Variants in ERBB2 observed in about 807,000 individuals in gnomAD.
ERBB2 encodes the protein receptor tyrosine-protein kinase erbB-2.
In ERBB2, 61 loss-of-function variants were observed where a neutral mutation model predicts 149.0. The ratio of observed to expected loss-of-function variants is 0.41; its 90% CI spans 0.33 to 0.51. The LOEUF (loss-of-function observed/expected upper bound fraction) is 0.51. Among genes scored for constraint, ERBB2 ranks in the 20% least tolerant of loss-of-function variants. ERBB2 has a pLI of 0.25. For missense variants in ERBB2, 1,205 were observed against 1,655.1 expected (o/e 0.73, Z 4.72); for synonymous variants, 633 against 678.8 (o/e 0.93, Z 1.05).
chr17:39,700,308 C>G lies in ERBB2; in HGVS notation c.70C>G (p.Gln24Glu), dbSNP rs2058012509. The G allele has an allele frequency of 2.1e-6, 3 of 1,417,316 alleles. No individual in the cohort carries two copies. In the South Asian group the frequency reaches 4.5e-5, roughly 21 times the overall value. The allele number at this position is 1,417,316 out of a possible 1,614,324, so 87.8% of individuals were successfully genotyped here. Residue 24 changes from glutamine to glutamate, a missense_variant, in exon 1 of 27, where the codon CAA (glutamine) becomes GAA (glutamate). By Grantham distance (29) the Gln-to-Glu change is conservative. Transcript: ENST00000269571. ...CTTGCCCCCCGGAGCCGCGAGCACCCAAGGTGGGTCTGGTGTGGGGAGGGG... is the reference window on the plus strand; with the variant it reads ...CTTGCCCCCCGGAGCCGCGAGCACCGAAGGTGGGTCTGGTGTGGGGAGGGG... The part of the protein sequence containing the change: ...ALLPPGAAST[Q>E]VCTGTDMKLR...
Position 39,724,272 on chromosome 17 carries a change from A to AT in ERBB2, c.2307+278dup, listed in dbSNP as rs71149796. ...TAGCTGGGATTACAAGCGCCCGCTAATTTTTTTTTTTTTTTTGAGACAGAG... is the reference window on the plus strand; with the variant it reads ...TAGCTGGGATTACAAGCGCCCGCTAATTTTTTTTTTTTTTTTTGAGACAGAG... On this transcript the variant is annotated intron_variant, in intron 19 of 26. Transcript: ENST00000269571. Among the ~76,000 whole-genome samples the AT allele has an allele frequency of 1.6e-3, 122 of 76,994 alleles. 8 individuals carry two copies. The highest frequency in any genetic ancestry group is 3.4e-3 in the East Asian group (11 of 3,258). 50.5% of individuals were successfully genotyped at this position (76,994 alleles called of 152,430 possible).
intron 15 of ERBB2, 144 bp from the exon 16 acceptor site, chr17:39,719,643 C>G: frequency 1.3e-6 from 1 of 788,084 alleles, no homozygotes. Flanking sequence ...AGAAGGAGCA[C>G]TGACGGCCTT....
rs1567900199 is a variant in ERBB2, at chr17:39,710,189, C to T, written c.747C>T (p.His249=). ...QCAAGCTGPK[H]SDCLACLHFN... is the part of the protein sequence containing the mutation. ...CTGCCGGCTGCACGGGCCCCAAGCA[C>T]TCTGACTGCCTGGTATGTGCCTCTG... Residue 249 remains histidine, a synonymous_variant, in exon 6 of 27, where the codon CAC becomes CAT. Transcript: ENST00000269571. 1.2e-6 allele frequency: 2 copies of T among 1,612,810 alleles called. No homozygotes were observed. The highest frequency in any genetic ancestry group is 1.3e-5 in the African/African-American group (1 of 75,068).
chr17:39,718,400 TG>T (rs2059265430), intron 15 of ERBB2, among the ~76,000 whole-genome samples: 1 of 152,240 alleles, frequency 6.6e-6, no homozygotes, highest in Non-Finnish European at 1.5e-5. Flanking sequence ...ACCACCGCAT[TG>T]ACTTGTGTGT....
chr17:39,702,201 G>A (rs987834146), intron 1 of ERBB2, among the ~76,000 whole-genome samples: 8 of 152,246 alleles, frequency 5.3e-5, no homozygotes, highest in Non-Finnish European at 1.5e-5. Context: ...TCCGGAGGCT[G>A]AGGCAGGAGG....
At chr17:39,692,779 G>A (rs567383956), upstream of ERBB2, among the ~76,000 whole-genome samples, 1 of 152,190 alleles carries the variant, frequency 6.6e-6, no homozygotes, top group Admixed American at 6.5e-5. Flanking sequence ...ACAAAGAAAA[G>A]CTGAGTGTGG....
Position 39,708,444 on chromosome 17 carries a change from C to T in ERBB2, c.349C>T (p.Leu117=), listed in dbSNP as rs2145442552. ...TGAGGACAACTATGCCCTGGCCGTG[C>T]TAGACAATGGAGACCCGCTGAACAA... The part of the protein sequence containing the change: ...LFEDNYALAV[L]DNGDPLNNTT... The change falls in exon 3 of 27, where the codon CTA becomes TTA. Residue 117 remains leucine, a synonymous_variant. Transcript: ENST00000269571. 6.2e-7 allele frequency: 1 copy of T among 1,614,194 alleles called. No homozygotes were observed. The highest frequency in any genetic ancestry group is 8.5e-7 in the Non-Finnish European group (1 of 1,180,010).
intron 8 of ERBB2, 57 bp from the exon 9 acceptor site, chr17:39,712,265 C>T (rs1267506736): frequency 1.2e-6 from 2 of 1,608,904 alleles, no homozygotes; most frequent in African/African-American, 2.7e-5. Context: ...TGGCTGTTGA[C>T]CTGTCCCGGT....
upstream of ERBB2, among the ~76,000 whole-genome samples, chr17:39,690,656 T>A (rs1298263188): frequency 1.3e-5 from 2 of 152,192 alleles, no homozygotes; most frequent in Non-Finnish European, 2.9e-5. Flanking sequence ...ACCTGGCCTC[T>A]CTTCCCAACT....
chr17:39,691,490 G>T (rs983768287), upstream of ERBB2, among the ~76,000 whole-genome samples: 1 of 149,624 alleles, frequency 6.7e-6, no homozygotes, highest in Non-Finnish European at 1.5e-5. Context: ...GTTGCAGTGA[G>T]CCTGGATTAT....
intron 1 of ERBB2, among the ~76,000 whole-genome samples, chr17:39,701,564 C>A (rs2058109327): frequency 6.6e-6 from 1 of 152,100 alleles, no homozygotes; most frequent in Non-Finnish European, 1.5e-5. Context: ...TGGGTGTCAT[C>A]GTGGCTGTGT....
intron 15 of ERBB2, among the ~76,000 whole-genome samples, chr17:39,719,163 A>C (rs2145737633): frequency 6.6e-6 from 1 of 152,292 alleles, no homozygotes; most frequent in Non-Finnish European, 1.5e-5. Context: ...TGAGAGGTTG[A>C]GACAGGAGAA....
At position 39,700,292 on chromosome 17, in the gene ERBB2, C is replaced by A. The variant is rs1227500688; in HGVS notation, c.54C>A (p.Pro18=). 11 of 1,428,518 alleles carry A rather than the reference C, an allele frequency of 7.7e-6. No homozygotes were observed. In the South Asian group the frequency reaches 1.3e-4, roughly 17 times the overall value. The allele number at this position is 1,428,518 out of a possible 1,614,324, so 88.5% of individuals were successfully genotyped here. Residue 18 remains proline, a synonymous_variant, in exon 1 of 27, where the codon CCC becomes CCA. Coordinates refer to ENST00000269571, the MANE Select transcript of ERBB2 (RefSeq NM_004448.4). The stretch of plus-strand genomic sequence containing the variant: ...GGCTCCTCCTCGCCCTCTTGCCCCC[C>A]GGAGCCGCGAGCACCCAAGGTGGGT... ...RWGLLLALLP[P]GAASTQVCTG...
At chr17:39,689,016 A>G (rs2057630932) in intron 2 of ERBB2, among the ~76,000 whole-genome samples, 1 of 152,072 alleles carries the variant, frequency 6.6e-6, no homozygotes, top group Non-Finnish European at 1.5e-5. Context: ...TCCCATCAGC[A>G]CCGACCCACA....
intron 9 of ERBB2, among the ~76,000 whole-genome samples, 190 bp from the exon 10 acceptor site, chr17:39,715,096 T>C (rs1303015435): frequency 6.6e-6 from 1 of 152,156 alleles, no homozygotes; most frequent in Non-Finnish European, 1.5e-5. Flanking sequence ...TCAAAGGATA[T>C]AAATACTGTT....
Position 39,727,070 on chromosome 17 carries a change from C to G in ERBB2, c.3159+67C>G, listed in dbSNP as rs2059809500. 7.0e-7 allele frequency: 1 copy of G among 1,423,104 alleles called. No homozygotes were observed. Among genetic ancestry groups the G allele is most frequent in the Non-Finnish European group, 9.5e-7 (1 of 1,053,586 alleles). The allele number at this position is 1,423,104 out of a possible 1,614,324, so 88.2% of individuals were successfully genotyped here. On this transcript the variant is annotated intron_variant, in intron 25 of 26. Transcript: ENST00000269571. This position sits in a 1 kb window ranked among gnomAD's most constrained non-coding sequence, Gnocchi z 4.3. ...CCCCCAACCCCGGTGGACTAGGGTC[C>G]CTTTCTCTGATGTTCCCTCAACTGT...
At chr17:39,694,218 A>G (rs1597841656), upstream of ERBB2, among the ~76,000 whole-genome samples, 1 of 45,604 alleles carries the variant, frequency 2.2e-5, no homozygotes, top group East Asian at 4.6e-4. Context: ...AAAAAAAAAA[A>G]AAAAAAAAAT....
chr17:39,707,192 C>A (rs768897680), intron 2 of ERBB2, 51 bp downstream of exon 2: 8 of 1,466,622 alleles, frequency 5.5e-6, no homozygotes, highest in Non-Finnish European at 7.3e-6. Flanking sequence ...TGGGCTGAGC[C>A]CTCTGTTTAC....
intron 16 of ERBB2, among the ~76,000 whole-genome samples, chr17:39,720,984 G>A (rs1403498743): frequency 6.6e-6 from 1 of 152,084 alleles, no homozygotes; most frequent in South Asian, 2.1e-4. Flanking sequence ...TTGAGACAGG[G>A]TCTTGCTCTC....
Sources: gnomAD v4.1 joint callset for allele counts (sites outside exome capture counted in the v4.1 genomes callset) on GRCh38, gnomAD v4.1.1 for gene constraint, Gnocchi (gnomAD v3.1) non-coding constraint, MANE v1.5 for transcripts, NCBI Gene and HGNC (gene_info 2026-07-23, HGNC 2026-07-21) for gene names.